P2RY12: variants seen among roughly 807,000 people sequenced by gnomAD.
P2RY12 encodes P2Y purinoceptor 12.
P2RY12 carries 3 observed loss-of-function variants against 4.5 expected under a neutral mutation model. The ratio of observed to expected loss-of-function variants is 0.67; its 90% CI spans 0.31 to 1.74. The LOEUF is 1.74. Ranked by LOEUF, P2RY12 falls within the 40% of genes most tolerant of loss-of-function variation. The pLI, the probability that P2RY12 is intolerant of heterozygous loss-of-function variation, is 0.09. For synonymous variants in P2RY12, 148 were observed against 154.1 expected (o/e 0.96, Z 0.29); for missense variants, 356 against 407.8 (o/e 0.87, Z 1.09).
chr3:151,340,838 C>G (rs1261138042), intron 1 of P2RY12, 78 bp from the exon 2 acceptor site: 1 of 152,472 alleles, frequency 6.6e-6, no homozygotes, highest in Non-Finnish European at 1.5e-5. Context: ...CAAAGCTATG[C>G]AGACACTGAA....
At chr3:151,345,390 A>C (rs1752400922) in intron 1 of P2RY12, among the ~76,000 whole-genome samples, 1 of 152,196 alleles carries the variant, frequency 6.6e-6, no homozygotes, top group African/African-American at 2.4e-5. Context: ...TTTAAACACC[A>C]AGTTGAAAGA....
At chr3:151,344,305 T>TAA (rs60921069) in intron 1 of P2RY12, among the ~76,000 whole-genome samples, 46,861 of 150,802 alleles carry the variant, frequency 0.31, 7,536 homozygotes, top group East Asian at 0.49. Flanking sequence ...TACTAATGAT[T>TAA]AAAAAAAAAC....
intron 1 of P2RY12, chr3:151,368,371 G>T: frequency 1.3e-6 from 1 of 747,836 alleles, no homozygotes. Context: ...TGCCCTGGGG[G>T]TGATGAAGGG....
intron 1 of P2RY12, among the ~76,000 whole-genome samples, chr3:151,362,596 A>G (rs1754749530): frequency 6.6e-6 from 1 of 152,032 alleles, no homozygotes; most frequent in Non-Finnish European, 1.5e-5. Context: ...TAGATTCTAT[A>G]TTTATTTATG....
rs755439126 is a variant in P2RY12, at chr3:151,338,217, G to A, written c.629C>T (p.Thr210Ile). Residue 210 changes from threonine (T) to isoleucine (I), a missense_variant, in exon 3 of 3, where the codon ACA becomes ATA. Coordinates refer to ENST00000302632, the MANE Select transcript of P2RY12 (RefSeq NM_022788.5). ...INFLIVIVCY[T>I]LITKELYRSY... ...CCGGTACAGTTCTTTTGTAATGAGT[G>A]TATAACATACAATAACAATTAAGAA... The A allele has an allele frequency of 6.2e-6, 10 of 1,613,880 alleles. No individual in the cohort carries two copies. Among genetic ancestry groups the A allele is most frequent in the African/African-American group, 1.3e-5 (1 of 74,894 alleles).
Position 151,366,973 on chromosome 3 carries a change from A to T in P2RY12, c.-180+17719T>A, listed in dbSNP as rs1488897956. Among the ~76,000 whole-genome samples, 5 of 152,160 alleles carry T rather than the reference A, an allele frequency of 3.3e-5. No homozygotes were observed. The East Asian group carries it at 5.8e-4, about 18-fold the overall frequency. On this transcript the variant is annotated intron_variant, in intron 1 of 2. Transcript: ENST00000302632. ...GCTAATAAATAAGGTGATTTTTGCA[A>T]GTTAACCATAGTCCTTGGCATATGG...
Position 151,378,255 on chromosome 3 carries a change from C to T in P2RY12, c.-180+6437G>A, listed in dbSNP as rs978005600. ...CACTTCCTGTAAACCTGTGTGGTCA[C>T]TGTACCCACAGTCCACTGAAATTTA... On this transcript the variant is annotated intron_variant, in intron 1 of 2. Coordinates refer to ENST00000302632, the MANE Select transcript of P2RY12 (RefSeq NM_022788.5). The T allele has an allele frequency of 1.1e-5, 15 of 1,315,128 alleles. No individual in the cohort carries two copies. The South Asian group carries it at 2.6e-4, about 23-fold the overall frequency. The allele number at this position is 1,315,128 out of a possible 1,614,324, so 81.5% of individuals were successfully genotyped here. A position where few individuals can be genotyped will look rare whatever the true frequency, so the allele number is the denominator to read the frequency against.
chr3:151,378,154 G>A, intron 1 of P2RY12: 5 of 1,609,598 alleles, frequency 3.1e-6, no homozygotes, highest in Non-Finnish European at 4.2e-6. Flanking sequence ...AAAGGAAAGG[G>A]ACAGACAGAA....
chr3:151,338,060 G>A lies in P2RY12; in HGVS notation c.786C>T (p.Ser262=), dbSNP rs745485640. The A allele has an allele frequency of 3.1e-6, 5 of 1,613,944 alleles. No individual in the cohort carries two copies. The African/African-American group carries it at 4.0e-5, about 13-fold the overall frequency. The change falls in exon 3 of 3, where the codon AGC becomes AGT. Residue 262 remains serine (S), a synonymous_variant. Transcript: ENST00000302632. ...FHFARIPYTL[S]QTRDVFDCTA... ...TGCAGTCAAAGACATCCCGGGTTTG[G>A]CTCAGGGTGTAAGGAATTCGGGCAA...
chr3:151,383,393 A>G (rs560727035), intron 1 of P2RY12, among the ~76,000 whole-genome samples: 258 of 152,368 alleles, frequency 1.7e-3, no homozygotes, highest in Non-Finnish European at 2.7e-3. Flanking sequence ...CTTAGATTCA[A>G]TAGTAATTGT....
chr3:151,359,472 C>G (rs1352886), intron 1 of P2RY12, among the ~76,000 whole-genome samples: 1 of 151,862 alleles, frequency 6.6e-6, no homozygotes, highest in African/African-American at 2.4e-5. Flanking sequence ...ACCTATGGTA[C>G]CTGTGATTCC....
At chr3:151,347,130 A>C (rs1306465069) in intron 1 of P2RY12, among the ~76,000 whole-genome samples, 1 of 148,802 alleles carries the variant, frequency 6.7e-6, no homozygotes, top group Non-Finnish European at 1.5e-5. Flanking sequence ...TCCCACCACT[A>C]AAACTTAGTT....
chr3:151,366,048 G>A, intron 1 of P2RY12: 1 of 1,353,140 alleles, frequency 7.4e-7, no homozygotes, highest in South Asian at 2.1e-5. Flanking sequence ...TTAGTTAGTG[G>A]GTAATCTTTT....
In P2RY12 at chr3:151,383,949, T is replaced by C. The variant is rs559319831; in HGVS notation, c.-180+743A>G. ...TGTATGCATGGTATAAGCTTTGATA[T>C]ACTGATGGCGATTTCTGCCACATCT... On this transcript the variant is annotated intron_variant, in intron 1 of 2. Transcript: ENST00000302632. 46 of 1,513,822 alleles carry C rather than the reference T, an allele frequency of 3.0e-5. No individual in the cohort carries two copies. The Admixed American group carries it at 5.5e-4, about 18-fold the overall frequency. 93.8% of individuals were successfully genotyped at this position (1,513,822 alleles called of 1,614,324 possible).
chr3:151,349,418 A>G (rs775300897), intron 1 of P2RY12, among the ~76,000 whole-genome samples: 1 of 152,186 alleles, frequency 6.6e-6, no homozygotes, highest in Admixed American at 6.5e-5. Context: ...ATAAATATAC[A>G]TGTATCTCAC....
At chr3:151,353,357 C>T (rs1753483631) in intron 1 of P2RY12, among the ~76,000 whole-genome samples, 1 of 152,158 alleles carries the variant, frequency 6.6e-6, no homozygotes, top group Non-Finnish European at 1.5e-5. Context: ...TGAGCAGCTA[C>T]AGTGAAGGCA....
In P2RY12 at chr3:151,337,347, A is replaced by G. The variant is rs1751138567; in HGVS notation, c.*470T>C. On this transcript the variant is annotated 3_prime_UTR_variant, in exon 3 of 3. Transcript: ENST00000302632. ...GTATCCCACTTACTTAAATTTTTAT[A>G]AGTATCCCAATAGGTCAGGATTTGG... 6.4e-6 allele frequency: 1 copy of G among 155,332 alleles called. No homozygotes were observed. Among genetic ancestry groups the G allele is most frequent in the Non-Finnish European group, 1.4e-5 (1 of 70,180 alleles). 9.6% of individuals were successfully genotyped at this position (155,332 alleles called of 1,614,324 possible). A position where few individuals can be genotyped will look rare whatever the true frequency, so the allele number is the denominator to read the frequency against.
chr3:151,362,672 A>G (rs1434013299), intron 1 of P2RY12, among the ~76,000 whole-genome samples: 1 of 152,130 alleles, frequency 6.6e-6, no homozygotes, highest in East Asian at 1.9e-4. Context: ...TTTCACTGCT[A>G]CATCCCAGTG....
rs899624420 is a variant in P2RY12 at position 151,352,627 on chromosome 3, T to C, written c.-179-11867A>G. Among the ~76,000 whole-genome samples the C allele has an allele frequency of 4.2e-5, 4 of 94,978 alleles. No individual in the cohort carries two copies. In the East Asian group the frequency reaches 1.1e-3, roughly 27 times the overall value. The allele number at this position is 94,978 out of a possible 152,430, so 62.3% of individuals were successfully genotyped here. A position where few individuals can be genotyped will look rare whatever the true frequency, so the allele number is the denominator to read the frequency against. ...GATTTCTGGGAACACATGAAAATAATATTTTGAGGAACCAACTCATTTAGG... is the reference window on the plus strand; with the variant it reads ...GATTTCTGGGAACACATGAAAATAACATTTTGAGGAACCAACTCATTTAGG... On this transcript the variant is annotated intron_variant, in intron 1 of 2. Transcript: ENST00000302632.
Sources: gnomAD v4.1 joint callset for allele counts (sites outside exome capture counted in the v4.1 genomes callset) on GRCh38, gnomAD v4.1.1 for gene constraint, MANE v1.5 for transcripts, NCBI Gene and HGNC (gene_info 2026-07-23, HGNC 2026-07-21) for gene names.